The following POGLUT1 variants were observed in gnomAD, a reference collection of about 807,000 sequenced individuals.
The protein encoded by POGLUT1 is 9630046K23Rik.
In POGLUT1, 32 loss-of-function variants were observed where a neutral mutation model predicts 61.3. The ratio of observed to expected loss-of-function variants is 0.52; its 90% CI spans 0.39 to 0.70. The LOEUF (loss-of-function observed/expected upper bound fraction) is 0.70, where lower values mean the gene tolerates loss of function less well. POGLUT1 is among the 30% of genes least tolerant of loss of function. POGLUT1 has a pLI of 0.00. For synonymous variants in POGLUT1, 158 were observed against 158.2 expected (o/e 1.00, Z 0.01); for missense variants, 411 against 469.8 (o/e 0.87, Z 1.16).
intron 4 of POGLUT1, chr3:119,479,805 G>A: frequency 4.0e-6 from 3 of 757,368 alleles, no homozygotes; most frequent in South Asian, 1.6e-5. Context: ...AACAGAATTT[G>A]GGGGAACTGA....
At chr3:119,492,251 T>C (rs534846922) in intron 10 of POGLUT1, 31 bp from the exon 11 acceptor site, 1 of 1,557,734 alleles carries the variant, frequency 6.4e-7, no homozygotes, top group Admixed American at 1.9e-5. Context: ...ATTCTGTGCT[T>C]TAACATTTTC....
intron 3 of POGLUT1, among the ~76,000 whole-genome samples, chr3:119,472,358 C>A (rs1016865730): frequency 6.6e-6 from 1 of 152,106 alleles, no homozygotes; most frequent in Admixed American, 6.5e-5. Flanking sequence ...TCGATTCGTT[C>A]ATAAAGATTT....
At chr3:119,478,104 ATGT>A (rs1422832326) in intron 4 of POGLUT1, 4 of 337,160 alleles carry the variant, frequency 1.2e-5, no homozygotes, top group Non-Finnish European at 2.3e-5. Context: ...GTTCATGTAA[ATGT>A]TGTATCGGCA....
chr3:119,492,446 C>G lies in POGLUT1; in HGVS notation c.*8C>G, dbSNP rs774134251. 2 of 1,557,900 alleles carry G rather than the reference C, an allele frequency of 1.3e-6. No homozygotes were observed. The highest frequency in any genetic ancestry group is 1.7e-4 in the Middle Eastern group (1 of 5,894). On this transcript the variant is annotated 3_prime_UTR_variant, in exon 11 of 11. Coordinates refer to ENST00000295588, the MANE Select transcript of POGLUT1 (RefSeq NM_152305.3). ...TTGAAAACTGAACTATAGTAGTCATCATAGGACCATAGTCCTCTTTGTGGC... is the reference window on the plus strand; with the variant it reads ...TTGAAAACTGAACTATAGTAGTCATGATAGGACCATAGTCCTCTTTGTGGC...
At chr3:119,488,568 C>A in intron 7 of POGLUT1, 1 of 162,380 alleles carries the variant, frequency 6.2e-6, no homozygotes, top group East Asian at 1.7e-4. Flanking sequence ...CTAAGGCCAT[C>A]AGCCAGCACT....
At chr3:119,481,502 G>T (rs1239816849) in intron 5 of POGLUT1, among the ~76,000 whole-genome samples, 1 of 152,208 alleles carries the variant, frequency 6.6e-6, no homozygotes, top group East Asian at 1.9e-4. Context: ...TCTCCCAAGT[G>T]TGGCTGAAGA....
At chr3:119,491,250 A>G (rs1437548478) in intron 9 of POGLUT1, among the ~76,000 whole-genome samples, 1 of 148,310 alleles carries the variant, frequency 6.7e-6, no homozygotes, top group Non-Finnish European at 1.5e-5. Context: ...TAATATAAAT[A>G]TACAAAATAT....
At chr3:119,478,114 G>A (rs933719830) in intron 4 of POGLUT1, 10 of 336,892 alleles carry the variant, frequency 3.0e-5, no homozygotes, top group South Asian at 1.2e-4. Context: ...ATGTTGTATC[G>A]GCAGGGATGG....
chr3:119,489,848 A>G (rs1415077651), intron 8 of POGLUT1: 2 of 152,410 alleles, frequency 1.3e-5, no homozygotes, highest in Non-Finnish European at 2.9e-5. Flanking sequence ...CACAAACTGT[A>G]TTGTGAACTG....
At position 119,493,461 on chromosome 3, in the gene POGLUT1, A is replaced by C. The variant is rs2081777884; in HGVS notation, c.*1023A>C. Reference sequence around the variant, plus strand: ...AAGATGTTTTGGGTAGTAGTTTAATATCTCAGGGTGCTCTTTCTAACATAG... The same window carrying C: ...AAGATGTTTTGGGTAGTAGTTTAATCTCTCAGGGTGCTCTTTCTAACATAG... On this transcript the variant is annotated 3_prime_UTR_variant, in exon 11 of 11. Coordinates refer to ENST00000295588, the MANE Select transcript of POGLUT1 (RefSeq NM_152305.3). The C allele has an allele frequency of 6.6e-6, 1 of 152,180 alleles. No individual in the cohort carries two copies. Among genetic ancestry groups the C allele is most frequent in the African/African-American group, 2.4e-5 (1 of 41,454 alleles). 9.4% of individuals were successfully genotyped at this position (152,180 alleles called of 1,614,324 possible).
intron 5 of POGLUT1, among the ~76,000 whole-genome samples, chr3:119,482,139 C>A (rs74706342): frequency 5.9e-5 from 9 of 152,150 alleles, no homozygotes; most frequent in African/African-American, 2.2e-4. Context: ...TCCTTTCCCC[C>A]CCTCCTCAGG....
At chr3:119,478,378 G>A in intron 4 of POGLUT1, 1 of 456,680 alleles carries the variant, frequency 2.2e-6, no homozygotes, top group Non-Finnish European at 4.4e-6. Flanking sequence ...GGCCACATTT[G>A]TGTTGCATTT....
At chr3:119,481,554 T>C (rs1460376289) in intron 5 of POGLUT1, among the ~76,000 whole-genome samples, 5 of 152,246 alleles carry the variant, frequency 3.3e-5, no homozygotes, top group Non-Finnish European at 7.3e-5. Context: ...TGAAGAAACG[T>C]ACAGGGCTGC....
chr3:119,492,192 A>G, intron 10 of POGLUT1, 90 bp from the exon 11 acceptor site: 2 of 912,992 alleles, frequency 2.2e-6, no homozygotes, highest in Middle Eastern at 2.5e-4. Flanking sequence ...ATGCTGAATA[A>G]TGCTTGGCAC....
At chr3:119,478,507 A>G (rs2081567746) in intron 4 of POGLUT1, 1 of 438,824 alleles carries the variant, frequency 2.3e-6, no homozygotes, top group Non-Finnish European at 4.6e-6. Context: ...TTTGTTATCT[A>G]TCTGTTGTTT....
In POGLUT1 at chr3:119,490,688, TC is replaced by T. The variant is rs767615118; in HGVS notation, c.938del (p.Pro313GlnfsTer16). 6.2e-7 allele frequency: 1 copy of T among 1,614,110 alleles called. No individual in the cohort carries two copies. Among genetic ancestry groups the T allele is most frequent in the Admixed American group, 1.7e-5 (1 of 60,030 alleles). On this transcript the variant is annotated frameshift_variant, in exon 9 of 11. Transcript: ENST00000295588. LOFTEE classifies it high-confidence loss of function. ...YPQLKPWVHY[I>X]PVKTDLSNVQ... ...CAGCTGAAGCCATGGGTTCACTATA[TC>T]CCAGTCAAAACAGATCTCTCCAATG...
chr3:119,485,320 A>C lies in POGLUT1; in HGVS notation c.579-8A>C, dbSNP rs749878089. 1.5e-5 allele frequency: 24 copies of C among 1,562,384 alleles called. No individual in the cohort carries two copies. The East Asian group carries it at 5.4e-4, about 35-fold the overall frequency. On this transcript the variant is annotated splice_polypyrimidine_tract_variant and splice_region_variant and intron_variant, in intron 5 of 10. Coordinates refer to ENST00000295588, the MANE Select transcript of POGLUT1 (RefSeq NM_152305.3). ...TATATTGAAACTAATTAAATTCTATATTCTTAGGTCAGCAGCACAGTGGCC... is the reference window on the plus strand; with the variant it reads ...TATATTGAAACTAATTAAATTCTATCTTCTTAGGTCAGCAGCACAGTGGCC...
At position 119,468,985 on chromosome 3, in the gene POGLUT1, G is replaced by T. The variant is rs764526721; in HGVS notation, c.-37G>T. ...TTTGTGCGGGGCCGCGCTTCCGCCA[G>T]CGCCGCAGCGGGGAATCTGCAGTAG... is the stretch of plus-strand genomic sequence containing the variant. On this transcript the variant is annotated 5_prime_UTR_variant, in exon 1 of 11. Coordinates refer to ENST00000295588, the MANE Select transcript of POGLUT1 (RefSeq NM_152305.3). 4 of 1,571,256 alleles carry T rather than the reference G, an allele frequency of 2.5e-6. No homozygotes were observed. The highest frequency in any genetic ancestry group is 1.7e-5 in the Admixed American group (1 of 57,914).
At position 119,477,350 on chromosome 3, in the gene POGLUT1, G is replaced by C; in HGVS notation, c.358G>C (p.Gly120Arg). ...TGAGCACTTTATTTTGGAAGTGATC[G>C]GGCGTCTCCCTGACATGGAGATGGT... is the stretch of plus-strand genomic sequence containing the variant. ...GVEHFILEVI[G>R]RLPDMEMVIN... The change falls in exon 4 of 11, where the codon GGG becomes CGG. Residue 120 changes from glycine (G) to arginine (R), a missense_variant. Transcript: ENST00000295588. 1 of 1,613,880 alleles carries C rather than the reference G, an allele frequency of 6.2e-7. No individual in the cohort carries two copies. Among genetic ancestry groups the C allele is most frequent in the South Asian group, 1.1e-5 (1 of 91,074 alleles).
Sources: gnomAD v4.1 joint callset for allele counts (sites outside exome capture counted in the v4.1 genomes callset) on GRCh38, gnomAD v4.1.1 for gene constraint, MANE v1.5 for transcripts, NCBI Gene and HGNC (gene_info 2026-07-23, HGNC 2026-07-21) for gene names.